The following CNTNAP5 variants were observed in gnomAD, a reference collection of about 807,000 sequenced individuals.
CNTNAP5 encodes the protein contactin-associated protein-like 5.
Under a neutral mutation model 150.2 loss-of-function variants are expected in CNTNAP5, and 72 were observed. The ratio of observed to expected loss-of-function variants is 0.48; its 90% CI spans 0.40 to 0.58. The LOEUF (loss-of-function observed/expected upper bound fraction) is 0.58. Among genes scored for constraint, CNTNAP5 ranks in the 20% least tolerant of loss-of-function variants. The pLI is 0.00. For missense variants in CNTNAP5, 1,636 were observed against 1,626.2 expected (o/e 1.01, Z -0.10); for synonymous variants, 672 against 619.8 (o/e 1.08, Z -1.25).
At chr2:124,094,461 A>T (rs1281984850) in intron 1 of CNTNAP5, among the ~76,000 whole-genome samples, 1 of 152,210 alleles carries the variant, frequency 6.6e-6, no homozygotes, top group Non-Finnish European at 1.5e-5. Context: ...CATCACCCAC[A>T]TTGCAAATGT....
chr2:124,688,604 A>G (rs962034363), intron 13 of CNTNAP5, among the ~76,000 whole-genome samples: 4 of 152,106 alleles, frequency 2.6e-5, no homozygotes, highest in African/African-American at 9.7e-5. Context: ...GGAAGAATCC[A>G]TTGTACGATT....
In CNTNAP5 at chr2:124,810,682, C is replaced by A. The variant is rs1024688242; in HGVS notation, c.3217+12362C>A. Among the ~76,000 whole-genome samples, 15 of 152,048 alleles carry A rather than the reference C, an allele frequency of 9.9e-5. 1 individual carries two copies. The highest frequency in any genetic ancestry group is 4.4e-5 in the Non-Finnish European group (3 of 68,018). On this transcript the variant is annotated intron_variant, in intron 19 of 23. Coordinates refer to ENST00000682447, the MANE Select transcript of CNTNAP5 (RefSeq NM_001367498.1). ...GACATGAGATCCAGGAAACAGAGAA[C>A]CCACCACAGAACAGGCCAGGTATTT...
chr2:124,064,563 A>T (rs1438003753), intron 1 of CNTNAP5, among the ~76,000 whole-genome samples: 1 of 152,024 alleles, frequency 6.6e-6, no homozygotes, highest in Non-Finnish European at 1.5e-5. Flanking sequence ...TCACTCCTCT[A>T]TTTTATTCTC....
chr2:124,487,814 T>C (rs542678207), intron 7 of CNTNAP5, among the ~76,000 whole-genome samples: 9 of 152,102 alleles, frequency 5.9e-5, no homozygotes, highest in Non-Finnish European at 1.2e-4. Flanking sequence ...CCCCATGTTT[T>C]TACCCACAAA....
intron 3 of CNTNAP5, among the ~76,000 whole-genome samples, chr2:124,406,474 T>G (rs1432470704): frequency 6.6e-6 from 1 of 152,248 alleles, no homozygotes; most frequent in East Asian, 1.9e-4. Context: ...CAAGATATTA[T>G]TTTTTGAAAA....
chr2:124,237,264 C>T (rs763374170), intron 2 of CNTNAP5, among the ~76,000 whole-genome samples: 2 of 152,180 alleles, frequency 1.3e-5, no homozygotes, highest in African/African-American at 4.8e-5. Context: ...TGTGAAATAT[C>T]GTTTTGCAGA....
At chr2:124,653,696 C>T (rs1262907529) in intron 13 of CNTNAP5, among the ~76,000 whole-genome samples, 1 of 150,782 alleles carries the variant, frequency 6.6e-6, no homozygotes, top group Admixed American at 6.6e-5. Flanking sequence ...TGTCAAGATA[C>T]TCTGGGGTTC....
intron 17 of CNTNAP5, among the ~76,000 whole-genome samples, chr2:124,785,053 AAAAAC>A (rs1238729764): frequency 6.6e-6 from 1 of 150,600 alleles, no homozygotes; most frequent in Non-Finnish European, 1.5e-5. Flanking sequence ...AAAAAAAAAA[AAAAAC>A]AAAAGAAAAA....
chr2:124,604,716 A>G (rs114176582), intron 11 of CNTNAP5, among the ~76,000 whole-genome samples: 4,193 of 152,274 alleles, frequency 0.028, 63 homozygotes, highest in African/African-American at 0.04. Flanking sequence ...ACTCATTTAC[A>G]GTGTCCATAA....
chr2:124,053,236 G>T (rs1681756706), intron 1 of CNTNAP5, among the ~76,000 whole-genome samples: 1 of 152,124 alleles, frequency 6.6e-6, no homozygotes, highest in Non-Finnish European at 1.5e-5. Context: ...TGCAAATTTG[G>T]CTGAGGTGAA....
At chr2:124,148,839 A>G (rs1684328302) in intron 1 of CNTNAP5, among the ~76,000 whole-genome samples, 1 of 151,062 alleles carries the variant, frequency 6.6e-6, no homozygotes. Context: ...ATACACACAG[A>G]CACTATGCAT....
At chr2:124,280,225 T>A (rs1190803982) in intron 3 of CNTNAP5, among the ~76,000 whole-genome samples, 2 of 152,044 alleles carry the variant, frequency 1.3e-5, no homozygotes, top group Admixed American at 1.3e-4. Flanking sequence ...TGGAGTGCAG[T>A]AGCACGATCT....
chr2:124,082,805 G>A (rs1003223241), intron 1 of CNTNAP5, among the ~76,000 whole-genome samples: 1 of 151,988 alleles, frequency 6.6e-6, no homozygotes, highest in Non-Finnish European at 1.5e-5. Flanking sequence ...AGAGCATTTG[G>A]TGTTGTCACT....
At chr2:124,577,963 C>A (rs1266398810) in intron 11 of CNTNAP5, among the ~76,000 whole-genome samples, 1 of 151,768 alleles carries the variant, frequency 6.6e-6, no homozygotes, top group Non-Finnish European at 1.5e-5. Context: ...AGAACAGAAC[C>A]AGTGGAAAAA....
At chr2:124,885,758 T>A (rs1678068237) in intron 21 of CNTNAP5, among the ~76,000 whole-genome samples, 1 of 152,156 alleles carries the variant, frequency 6.6e-6, no homozygotes, top group South Asian at 2.1e-4. Context: ...CTTAGCATAG[T>A]TTTGATATTT....
At chr2:124,362,619 A>C (rs1442088735) in intron 3 of CNTNAP5, among the ~76,000 whole-genome samples, 2 of 152,312 alleles carry the variant, frequency 1.3e-5, no homozygotes, top group East Asian at 3.9e-4. Flanking sequence ...ACTGTTATTT[A>C]TGGGGCTGTG....
At chr2:124,640,659 C>T (rs1678071438) in intron 12 of CNTNAP5, among the ~76,000 whole-genome samples, 1 of 152,128 alleles carries the variant, frequency 6.6e-6, no homozygotes, top group Non-Finnish European at 1.5e-5. Flanking sequence ...CAATTGTCTC[C>T]CTTCCTTTTA....
intron 1 of CNTNAP5, among the ~76,000 whole-genome samples, chr2:124,168,567 A>C (rs1003110325): frequency 6.6e-6 from 1 of 152,188 alleles, no homozygotes; most frequent in African/African-American, 2.4e-5. Context: ...ACGTTACAAA[A>C]TATCCCCTTA....
intron 13 of CNTNAP5, among the ~76,000 whole-genome samples, chr2:124,708,887 C>T (rs1178221508): frequency 2.0e-5 from 3 of 152,140 alleles, no homozygotes; most frequent in African/African-American, 7.2e-5. Flanking sequence ...TACCTGACTA[C>T]AGAGAAGCTT....
Sources: gnomAD v4.1 joint callset for allele counts (sites outside exome capture counted in the v4.1 genomes callset) on GRCh38, gnomAD v4.1.1 for gene constraint, MANE v1.5 for transcripts, NCBI Gene and HGNC (gene_info 2026-07-23, HGNC 2026-07-21) for gene names.